NUP155: variants seen among roughly 807,000 people sequenced by gnomAD.
NUP155 encodes nuclear pore complex protein Nup155.
A neutral mutation model predicts 180.4 loss-of-function variants in NUP155; 71 were observed. That is an observed-to-expected ratio of 0.39 (90% CI 0.33 to 0.48). The LOEUF is 0.48. Among genes scored for constraint, NUP155 ranks in the 20% least tolerant of loss-of-function variants. The pLI, the probability that NUP155 is intolerant of heterozygous loss-of-function variation, is 0.91. For synonymous variants in NUP155, 582 were observed against 559.5 expected (o/e 1.04, Z -0.57); for missense variants, 1,553 against 1,648.9 (o/e 0.94, Z 1.01).
Position 37,341,234 on chromosome 5 carries a change from A to G in NUP155, c.1102T>C (p.Leu368=). The stretch of plus-strand genomic sequence containing the variant: ...CTGAATGGACAAGTGCTAAAATATA[A>G]CCTAACACCTGAAGATGGGGTAAAA... The part of the protein sequence containing the change: ...LLAVTHAGVR[L]YFSTCPFRQP... Residue 368 remains leucine, a synonymous_variant, in exon 11 of 35, where the codon TTA becomes CTA. Transcript: ENST00000231498. 1 of 1,613,942 alleles carries G rather than the reference A, an allele frequency of 6.2e-7. No homozygotes were observed. Among genetic ancestry groups the G allele is most frequent in the Non-Finnish European group, 8.5e-7 (1 of 1,179,814 alleles).
chr5:37,309,403 C>G (rs1743385357), intron 23 of NUP155, 136 bp from the exon 24 acceptor site: 1 of 757,878 alleles, frequency 1.3e-6, no homozygotes, highest in Non-Finnish European at 2.1e-6. Context: ...TACAAACTTA[C>G]TTCTTAATTT....
At chr5:37,293,008 A>G in intron 33 of NUP155, 23 bp from the exon 34 acceptor site, 1 of 1,425,926 alleles carries the variant, frequency 7.0e-7, no homozygotes, top group Non-Finnish European at 9.9e-7. Flanking sequence ...ATACATAATG[A>G]AATGTGAGGC....
At chr5:37,325,211 A>AT (rs1744510051) in intron 19 of NUP155, among the ~76,000 whole-genome samples, 1 of 152,116 alleles carries the variant, frequency 6.6e-6, no homozygotes, top group Non-Finnish European at 1.5e-5. Context: ...CAATTCATAG[A>AT]AATTAGTGCT....
At chr5:37,328,202 A>T (rs1328179196) in intron 17 of NUP155, among the ~76,000 whole-genome samples, 156 bp downstream of exon 17, 1 of 152,232 alleles carries the variant, frequency 6.6e-6, no homozygotes, top group Non-Finnish European at 1.5e-5. Flanking sequence ...AGGCATTCAC[A>T]TCCAAATGCC....
At position 37,342,548 on chromosome 5, in the gene NUP155, C is replaced by A. The variant is rs1245428040; in HGVS notation, c.1093+1G>T. The A allele has an allele frequency of 6.3e-7, 1 of 1,581,464 alleles. No individual in the cohort carries two copies. Among genetic ancestry groups the A allele is most frequent in the Non-Finnish European group, 8.7e-7 (1 of 1,150,508 alleles). ...GCAGATATGTAAATAAAACAACATACCTGCATGTGTGACAGCCAATAACTG... is the reference window on the plus strand; with the variant it reads ...GCAGATATGTAAATAAAACAACATAACTGCATGTGTGACAGCCAATAACTG... On this transcript the variant is annotated splice_donor_variant, in intron 10 of 34. Transcript: ENST00000231498. LOFTEE classifies it high-confidence loss of function.
chr5:37,314,405 A>C, intron 21 of NUP155, 77 bp from the exon 22 acceptor site: 1 of 1,124,262 alleles, frequency 8.9e-7, no homozygotes. Context: ...ACTGTAGTTA[A>C]GGTTGAAATC....
chr5:37,295,815 C>T (rs217810), intron 32 of NUP155, among the ~76,000 whole-genome samples: 4,131 of 151,122 alleles, frequency 0.027, 189 homozygotes, highest in African/African-American at 0.095. Context: ...GCCCAGCAGC[C>T]GCCCCGTCTG....
chr5:37,314,655 G>GT (rs1360913079), intron 21 of NUP155, among the ~76,000 whole-genome samples: 2 of 151,616 alleles, frequency 1.3e-5, no homozygotes, highest in African/African-American at 4.8e-5. Context: ...GGCTAACACG[G>GT]TAAAACTCGG....
At chr5:37,322,108 C>A (rs546608093) in intron 20 of NUP155, among the ~76,000 whole-genome samples, 28 of 152,234 alleles carry the variant, frequency 1.8e-4, no homozygotes, top group African/African-American at 6.7e-4. Context: ...CCTGCCTCAG[C>A]CTCCCAAAGT....
chr5:37,305,381 C>T (rs1014361900), intron 25 of NUP155, among the ~76,000 whole-genome samples, 171 bp from the exon 26 acceptor site: 3 of 122,826 alleles, frequency 2.4e-5, no homozygotes, highest in African/African-American at 1.8e-4. Context: ...CACGTCTCTA[C>T]AAAAAATACA....
Position 37,303,241 on chromosome 5 carries a change from T to C in NUP155, c.3317+19A>G. ...CTCAGTTTTGAATCATTCTTCACAA[T>C]AAGAATATTATGCCATACCTATGCA... On this transcript the variant is annotated intron_variant, in intron 28 of 34. Coordinates refer to ENST00000231498, the MANE Select transcript of NUP155 (RefSeq NM_153485.3). 1 of 1,611,708 alleles carries C rather than the reference T, an allele frequency of 6.2e-7. No homozygotes were observed.
intron 27 of NUP155, among the ~76,000 whole-genome samples, chr5:37,304,046 G>C (rs1428627140): frequency 6.6e-6 from 1 of 151,930 alleles, no homozygotes; most frequent in African/African-American, 2.4e-5. Context: ...TCAGGAGTTT[G>C]AGACCAGCCT....
At chr5:37,356,555 C>T (rs1746844014) in intron 4 of NUP155, among the ~76,000 whole-genome samples, 1 of 151,960 alleles carries the variant, frequency 6.6e-6, no homozygotes, top group Non-Finnish European at 1.5e-5. Flanking sequence ...AGGAGAATCG[C>T]TTGAACTCAG....
chr5:37,355,572 T>A (rs1284631998), intron 4 of NUP155, among the ~76,000 whole-genome samples: 2 of 100,226 alleles, frequency 2.0e-5, no homozygotes, highest in African/African-American at 9.4e-5. Flanking sequence ...TTTATTTATT[T>A]GTTTGTTTGT....
intron 27 of NUP155, 29 bp downstream of exon 27, chr5:37,304,710 T>G: frequency 7.0e-7 from 1 of 1,425,122 alleles, no homozygotes; most frequent in South Asian, 1.1e-5. Context: ...TAAGAATAAT[T>G]AACACAACTG....
chr5:37,352,403 T>C (rs1746523493), intron 5 of NUP155, among the ~76,000 whole-genome samples: 1 of 152,092 alleles, frequency 6.6e-6, no homozygotes, highest in African/African-American at 2.4e-5. Context: ...CCGGGTATGG[T>C]GGTGCATGCC....
intron 25 of NUP155, among the ~76,000 whole-genome samples, chr5:37,305,918 CA>C (rs1743127084): frequency 1.3e-5 from 2 of 151,580 alleles, no homozygotes; most frequent in South Asian, 4.2e-4. Context: ...AAACAAATAA[CA>C]AAAAAGAAAG....
intron 9 of NUP155, among the ~76,000 whole-genome samples, chr5:37,344,617 G>A (rs763513014): frequency 7.3e-5 from 11 of 151,460 alleles, no homozygotes; most frequent in Admixed American, 4.6e-4. Context: ...AAAAGATTTC[G>A]AAGCCAGGCG....
At chr5:37,329,035 G>A (rs543158973) in intron 16 of NUP155, among the ~76,000 whole-genome samples, 155 bp downstream of exon 16, 11 of 152,070 alleles carry the variant, frequency 7.2e-5, no homozygotes. Context: ...AATATTAATA[G>A]ATCACTTTTA....
Sources: allele counts gnomAD v4.1 joint callset (sites outside exome capture counted in the v4.1 genomes callset), GRCh38; gene constraint gnomAD v4.1.1; transcripts MANE v1.5; gene names NCBI Gene and HGNC (gene_info 2026-07-23, HGNC 2026-07-21).